The following OGDH variants were observed in gnomAD, a reference collection of about 807,000 sequenced individuals.
OGDH encodes oxoglutarate dehydrogenase.
Under a neutral mutation model 116.6 loss-of-function variants are expected in OGDH, and 38 were observed. The ratio of observed to expected loss-of-function variants is 0.33; its 90% CI spans 0.25 to 0.43. The LOEUF (loss-of-function observed/expected upper bound fraction) is 0.43. Among genes scored for constraint, OGDH ranks in the 20% least tolerant of loss-of-function variants. The pLI is 1.00. For missense variants in OGDH, 825 were observed against 1,357.2 expected (o/e 0.61, Z 6.16); for synonymous variants, 488 against 533.3 (o/e 0.92, Z 1.17).
At chr7:44,638,887 A>G (rs752357899) in intron 2 of OGDH, among the ~76,000 whole-genome samples, 6 of 152,232 alleles carry the variant, frequency 3.9e-5, no homozygotes, top group East Asian at 1.9e-4. Context: ...TGGGTGGTCA[A>G]TGACTCAGCC....
chr7:44,638,510 C>T (rs140135921), intron 2 of OGDH, among the ~76,000 whole-genome samples: 1 of 152,296 alleles, frequency 6.6e-6, no homozygotes, highest in East Asian at 1.9e-4. Flanking sequence ...CTTTTCACTT[C>T]TGCTTTGTCA....
intron 2 of OGDH, among the ~76,000 whole-genome samples, chr7:44,633,121 C>T (rs1454700187): frequency 2.0e-5 from 3 of 151,458 alleles, no homozygotes; most frequent in East Asian, 2.0e-4. Context: ...GGCATGGTGG[C>T]GCACCCCTGT....
intron 2 of OGDH, 30 bp downstream of exon 2, chr7:44,624,595 C>T (rs1216245884): frequency 3.2e-6 from 5 of 1,585,218 alleles, no homozygotes; most frequent in East Asian, 2.2e-5. Context: ...GGGTCTGCCT[C>T]ATGTTGGTGT....
chr7:44,660,969 TGTTA>T (rs72158546), intron 4 of OGDH, among the ~76,000 whole-genome samples: 25,684 of 151,904 alleles, frequency 0.17, 5,065 homozygotes, highest in African/African-American at 0.47. Flanking sequence ...TGTTAGATCC[TGTTA>T]GTTAATGGCT....
chr7:44,690,490 T>C (rs998927008), intron 10 of OGDH, among the ~76,000 whole-genome samples: 1 of 152,216 alleles, frequency 6.6e-6, no homozygotes, highest in African/African-American at 2.4e-5. Flanking sequence ...TCAAATAATA[T>C]ACTAAGAGGT....
At chr7:44,634,139 T>G (rs768509323) in intron 2 of OGDH, among the ~76,000 whole-genome samples, 111 of 152,330 alleles carry the variant, frequency 7.3e-4, no homozygotes, top group Admixed American at 1.2e-3. Context: ...CTCTGATGTG[T>G]CTGGCAGTTT....
At chr7:44,638,192 G>T (rs890775513) in intron 2 of OGDH, among the ~76,000 whole-genome samples, 1 of 152,176 alleles carries the variant, frequency 6.6e-6, no homozygotes, top group African/African-American at 2.4e-5. Context: ...TTGTGCAACA[G>T]AAGCCAATTA....
In OGDH at chr7:44,700,708, A is replaced by G. The variant is rs1199646389; in HGVS notation, c.2559+439A>G. On this transcript the variant is annotated intron_variant, in intron 19 of 22. Transcript: ENST00000222673. ...AGTTGAGTGGAGGGATACGTTGGAGAAGTGATTCATAAAAAGGAAGGAGGC... is the reference window on the plus strand; with the variant it reads ...AGTTGAGTGGAGGGATACGTTGGAGGAGTGATTCATAAAAAGGAAGGAGGC... Among the ~76,000 whole-genome samples the G allele has an allele frequency of 2.0e-5, 3 of 151,844 alleles. No homozygotes were observed. In the East Asian group the frequency reaches 5.8e-4, roughly 29 times the overall value.
At position 44,700,143 on chromosome 7, in the gene OGDH, C is replaced by A. The variant is rs752742034; in HGVS notation, c.2433C>A (p.Asp811Glu). Reference protein sequence around the residue: ...MCNDDPDVLPDLKEANFDINQ... With the variant: ...MCNDDPDVLPELKEANFDINQ... Reference sequence around the variant, plus strand: ...GGCCATTTCCTTCCCTGCTGCAGGACCTTAAAGAAGCCAACTTCGACATCA... The same window carrying A: ...GGCCATTTCCTTCCCTGCTGCAGGAACTTAAAGAAGCCAACTTCGACATCA... The change falls in exon 19 of 23, where the codon GAC (aspartate) becomes GAA (glutamate). Residue 811 changes from aspartate to glutamate, a missense_variant and splice_region_variant. Transcript: ENST00000222673. 62 of 1,614,002 alleles carry A rather than the reference C, an allele frequency of 3.8e-5. No homozygotes were observed. The highest frequency in any genetic ancestry group is 6.7e-5 in the Admixed American group (4 of 59,994).
chr7:44,698,375 T>G, intron 18 of OGDH, 112 bp downstream of exon 18: 2 of 1,130,984 alleles, frequency 1.8e-6, no homozygotes, highest in Non-Finnish European at 2.6e-6. Flanking sequence ...CCTCTGTCCC[T>G]TTCTCCATCC....
At chr7:44,683,106 G>A (rs1009836891) in intron 10 of OGDH, among the ~76,000 whole-genome samples, 2 of 152,002 alleles carry the variant, frequency 1.3e-5, no homozygotes, top group East Asian at 1.9e-4. Flanking sequence ...CTGAGATCAC[G>A]CCACTGCACT....
intron 4 of OGDH, among the ~76,000 whole-genome samples, chr7:44,665,840 A>C (rs1787161942): frequency 6.6e-6 from 1 of 152,244 alleles, no homozygotes; most frequent in Admixed American, 6.5e-5. Context: ...AAAAGAATGT[A>C]TGGTGTCATT....
At chr7:44,629,575 CTTTTCTTTTTT>C (rs1400279586) in intron 2 of OGDH, among the ~76,000 whole-genome samples, 8 of 134,432 alleles carry the variant, frequency 6.0e-5, no homozygotes, top group Non-Finnish European at 1.1e-4. Context: ...TTTTCTTTTT[CTTTTCTTTTTT>C]TTTTTTTTTT....
At chr7:44,645,808 G>C (rs758916256) in intron 3 of OGDH, among the ~76,000 whole-genome samples, 3 of 152,202 alleles carry the variant, frequency 2.0e-5, no homozygotes, top group Non-Finnish European at 4.4e-5. Context: ...GGGAAAACAA[G>C]TCAGTACCCG....
Position 44,697,939 on chromosome 7 carries a change from A to C in OGDH, c.2358+157A>C, listed in dbSNP as rs938817680. 1.3e-5 allele frequency among the ~76,000 whole-genome samples: 2 copies of C among 152,190 alleles called. No individual in the cohort carries two copies. Among genetic ancestry groups the C allele is most frequent in the African/African-American group, 4.8e-5 (2 of 41,428 alleles). On this transcript the variant is annotated intron_variant, in intron 17 of 22. Transcript: ENST00000222673. This position sits in a 1 kb window ranked among gnomAD's most constrained non-coding sequence, Gnocchi z 6.0. ...CATCTCAGATGGGATGTCACTTCAG[A>C]AAGCCAGAGTAGCCCATCTGGATGT... is the stretch of plus-strand genomic sequence containing the variant.
At chr7:44,658,629 C>T (rs2115951975) in intron 4 of OGDH, among the ~76,000 whole-genome samples, 1 of 152,156 alleles carries the variant, frequency 6.6e-6, no homozygotes, top group Non-Finnish European at 1.5e-5. Flanking sequence ...GAGTGGATAG[C>T]CTTATGCCCT....
rs947353635 is a variant in OGDH at position 44,698,159 on chromosome 7, C to T, written c.2359-33C>T. 2.5e-6 allele frequency: 4 copies of T among 1,611,686 alleles called. No individual in the cohort carries two copies. In the African/African-American group the frequency reaches 4.0e-5, roughly 16 times the overall value. ...TGCGGCAAATGTCAGTACGCAAGAG[C>T]TCTTAAACTGTAACTTGCGTGTGTG... On this transcript the variant is annotated intron_variant, in intron 17 of 22. Transcript: ENST00000222673.
intron 3 of OGDH, among the ~76,000 whole-genome samples, chr7:44,646,507 T>C (rs1319526905): frequency 1.3e-5 from 2 of 152,234 alleles, no homozygotes; most frequent in Admixed American, 1.3e-4. Context: ...GTTTTGTAAA[T>C]GCTATATGCT....
At chr7:44,675,093 G>T in intron 7 of OGDH, 85 bp from the exon 8 acceptor site, 2 of 1,030,946 alleles carry the variant, frequency 1.9e-6, no homozygotes, top group Admixed American at 3.6e-5. Context: ...GGGGGGAGGG[G>T]GAGGGGGGGA....
Sources: allele counts gnomAD v4.1 joint callset (sites outside exome capture counted in the v4.1 genomes callset), GRCh38; gene constraint gnomAD v4.1.1; non-coding constraint Gnocchi (gnomAD v3.1); transcripts MANE v1.5; gene names NCBI Gene and HGNC (gene_info 2026-07-23, HGNC 2026-07-21).